FMN1: variants seen among roughly 807,000 people sequenced by gnomAD.
FMN1 encodes formin-1.
In FMN1, 110 loss-of-function variants were observed where a neutral mutation model predicts 132.4. The ratio of observed to expected loss-of-function variants is 0.83; its 90% CI spans 0.71 to 0.97. The LOEUF (loss-of-function observed/expected upper bound fraction) is 0.97. Ranked by LOEUF, FMN1 falls within the 50% of genes least tolerant of loss-of-function variation. FMN1 has a pLI of 0.00. For missense variants in FMN1, 1,792 were observed against 1,705.3 expected (o/e 1.05, Z -0.90); for synonymous variants, 722 against 651.7 (o/e 1.11, Z -1.64).
At chr15:32,826,245 C>T (rs1258770) in intron 17 of FMN1, among the ~76,000 whole-genome samples, 65,154 of 151,972 alleles carry the variant, frequency 0.43, 15,308 homozygotes, top group Admixed American at 0.52. Context: ...TGGGGAGACA[C>T]GTGAGGTCAA....
chr15:32,828,908 A>G (rs1003692836), intron 17 of FMN1, among the ~76,000 whole-genome samples: 1 of 152,224 alleles, frequency 6.6e-6, no homozygotes, highest in Non-Finnish European at 1.5e-5. Context: ...ATAGGTAGGT[A>G]AAATATAATA....
chr15:32,953,322 T>G (rs2061693427), intron 9 of FMN1, among the ~76,000 whole-genome samples: 1 of 152,188 alleles, frequency 6.6e-6, no homozygotes, highest in East Asian at 1.9e-4. Context: ...CTTGCTGCCC[T>G]AATCAGATCA....
At chr15:32,926,341 AT>A in intron 9 of FMN1, 80 bp from the exon 10 acceptor site, 3 of 712,950 alleles carry the variant, frequency 4.2e-6, no homozygotes, top group East Asian at 2.8e-5. Context: ...AAAACATTAA[AT>A]TTTTTTAGAT....
chr15:32,890,682 T>C (rs1274578464), intron 15 of FMN1, among the ~76,000 whole-genome samples: 1 of 152,226 alleles, frequency 6.6e-6, no homozygotes, highest in South Asian at 2.1e-4. Context: ...ATGTATAGAT[T>C]GTAAAGATTT....
chr15:33,009,824 T>A lies in FMN1; in HGVS notation c.2162-1749A>T, dbSNP rs1441799395. On this transcript the variant is annotated intron_variant, in intron 6 of 20. Coordinates refer to ENST00000616417, the MANE Select transcript of FMN1 (RefSeq NM_001277313.2). ...GAATGCATAAACAAATGATAGTATG[T>A]CCATATGATGGAATACTACTCAGCA... Among the ~76,000 whole-genome samples, 3 of 152,198 alleles carry A rather than the reference T, an allele frequency of 2.0e-5. No homozygotes were observed. The East Asian group carries it at 5.8e-4, about 29-fold the overall frequency.
At chr15:33,140,088 A>G (rs1293069036) in intron 4 of FMN1, among the ~76,000 whole-genome samples, 1 of 152,068 alleles carries the variant, frequency 6.6e-6, no homozygotes, top group East Asian at 1.9e-4. Context: ...TTAAAAATAA[A>G]TCCTGATGAT....
intron 7 of FMN1, among the ~76,000 whole-genome samples, chr15:33,002,151 AT>A (rs2034155002): frequency 6.6e-6 from 1 of 152,234 alleles, no homozygotes; most frequent in South Asian, 2.1e-4. Context: ...ATACTTATCA[AT>A]TCTTGTACAT....
At chr15:32,813,670 G>A (rs528547663) in intron 17 of FMN1, among the ~76,000 whole-genome samples, 4 of 152,294 alleles carry the variant, frequency 2.6e-5, no homozygotes, top group African/African-American at 9.6e-5. Flanking sequence ...TTGGCTTCGA[G>A]TGATACAGAT....
intron 19 of FMN1, among the ~76,000 whole-genome samples, chr15:32,785,998 G>A (rs975965693): frequency 3.3e-5 from 5 of 152,108 alleles, no homozygotes; most frequent in African/African-American, 1.2e-4. Context: ...GATAAAAATG[G>A]TCTAAAAAAT....
At chr15:33,108,235 T>A (rs1465582776) in intron 4 of FMN1, among the ~76,000 whole-genome samples, 1 of 151,914 alleles carries the variant, frequency 6.6e-6, no homozygotes, top group East Asian at 1.9e-4. Flanking sequence ...TTGGCTTAAC[T>A]AGAAAAAAGA....
intron 4 of FMN1, among the ~76,000 whole-genome samples, chr15:33,152,748 G>A (rs1209113386): frequency 3.4e-5 from 4 of 118,392 alleles, no homozygotes; most frequent in African/African-American, 1.3e-4. Flanking sequence ...TCCTTTGAGA[G>A]TCACTGTTAC....
At chr15:33,017,394 T>C (rs1596477719) in intron 6 of FMN1, among the ~76,000 whole-genome samples, 2 of 145,440 alleles carry the variant, frequency 1.4e-5, no homozygotes, top group Admixed American at 7.1e-5. Context: ...GAAAGTGTGG[T>C]ATGTGGGCGC....
At chr15:33,078,727 C>T (rs918200980) in intron 5 of FMN1, among the ~76,000 whole-genome samples, 1 of 151,778 alleles carries the variant, frequency 6.6e-6, no homozygotes, top group Non-Finnish European at 1.5e-5. Flanking sequence ...TATGCAAAGG[C>T]TACTGCATTT....
At chr15:32,924,007 C>CA (rs1216627937) in intron 10 of FMN1, among the ~76,000 whole-genome samples, 1 of 152,196 alleles carries the variant, frequency 6.6e-6, no homozygotes, top group East Asian at 1.9e-4. Flanking sequence ...ATAACTGCTT[C>CA]AAAACAGTCA....
intron 7 of FMN1, among the ~76,000 whole-genome samples, chr15:32,999,389 G>C (rs1276585065): frequency 6.6e-6 from 1 of 152,206 alleles, no homozygotes; most frequent in Non-Finnish European, 1.5e-5. Flanking sequence ...TAAACTATTA[G>C]AAATGGATGA....
At chr15:32,993,675 G>A (rs1566801980) in intron 7 of FMN1, among the ~76,000 whole-genome samples, 1 of 152,174 alleles carries the variant, frequency 6.6e-6, no homozygotes, top group Non-Finnish European at 1.5e-5. Context: ...GAATCAAGCT[G>A]TACACATTTA....
intron 17 of FMN1, among the ~76,000 whole-genome samples, chr15:32,819,896 T>A (rs748142812): frequency 3.3e-5 from 5 of 152,200 alleles, no homozygotes; most frequent in Non-Finnish European, 7.3e-5. Flanking sequence ...AATGTAAATG[T>A]ATTACCTACC....
At chr15:33,001,915 C>T (rs1468951378) in intron 7 of FMN1, among the ~76,000 whole-genome samples, 1 of 152,094 alleles carries the variant, frequency 6.6e-6, no homozygotes, top group Non-Finnish European at 1.5e-5. Context: ...CCCCCACTTA[C>T]TGCCCATGGA....
Position 33,081,830 on chromosome 15 carries a change from G to A in FMN1, c.2043+6969C>T, listed in dbSNP as rs140779475. Among the ~76,000 whole-genome samples, 428 of 152,234 alleles carry A rather than the reference G, an allele frequency of 2.8e-3. 5 individuals carry two copies. Among genetic ancestry groups the A allele is most frequent in the African/African-American group, 9.6e-3 (400 of 41,522 alleles). On this transcript the variant is annotated intron_variant, in intron 5 of 20. Coordinates refer to ENST00000616417, the MANE Select transcript of FMN1 (RefSeq NM_001277313.2). ...GTAAGACATGGAGGTTCTTATTACC[G>A]TTTAGACAGTCAAGCTTGGGAGGAG...
Sources: gnomAD v4.1 joint callset for allele counts (sites outside exome capture counted in the v4.1 genomes callset) on GRCh38, gnomAD v4.1.1 for gene constraint, MANE v1.5 for transcripts, NCBI Gene and HGNC (gene_info 2026-07-23, HGNC 2026-07-21) for gene names.